DCC: variants seen among roughly 807,000 people sequenced by gnomAD.
DCC encodes the protein DCC netrin 1 receptor, also known as netrin receptor DCC.
In DCC, 58 loss-of-function variants were observed where a neutral mutation model predicts 172.5. That is an observed-to-expected ratio of 0.34 (90% CI 0.27 to 0.42). DCC has a LOEUF of 0.42. DCC is among the 10% of genes least tolerant of loss of function. The pLI, the probability that DCC is intolerant of heterozygous loss-of-function variation, is 1.00. For missense variants in DCC, 1,740 were observed against 1,791.0 expected (o/e 0.97, Z 0.51); for synonymous variants, 709 against 644.5 (o/e 1.10, Z -1.52).
At chr18:53,354,340 T>C (rs1470128631) in intron 15 of DCC, among the ~76,000 whole-genome samples, 1 of 152,226 alleles carries the variant, frequency 6.6e-6, no homozygotes, top group Non-Finnish European at 1.5e-5. Flanking sequence ...ATCGCCACAC[T>C]GTCTTCCACA....
chr18:53,429,331 A>T (rs999912899), intron 21 of DCC, among the ~76,000 whole-genome samples: 2 of 91,270 alleles, frequency 2.2e-5, no homozygotes, highest in Admixed American at 1.1e-4. Context: ...GATGTAAACC[A>T]AGAGCAGAAA....
chr18:52,955,825 T>G (rs1297752096), intron 5 of DCC, among the ~76,000 whole-genome samples: 1 of 152,162 alleles, frequency 6.6e-6, no homozygotes. Context: ...ATGCATGTTA[T>G]TAATGTATAC....
intron 3 of DCC, among the ~76,000 whole-genome samples, chr18:52,917,372 T>C (rs2145473919): frequency 6.6e-6 from 1 of 152,202 alleles, no homozygotes; most frequent in Non-Finnish European, 1.5e-5. Context: ...CTGTTTTGAT[T>C]TTTAGTATGG....
chr18:52,413,613 A>G (rs1453782833), intron 1 of DCC, among the ~76,000 whole-genome samples: 2 of 151,996 alleles, frequency 1.3e-5, no homozygotes, highest in East Asian at 3.9e-4. Flanking sequence ...TATTTTATAT[A>G]TAATAAACAT....
chr18:52,352,357 A>C (rs1984161780), intron 1 of DCC, among the ~76,000 whole-genome samples: 1 of 152,202 alleles, frequency 6.6e-6, no homozygotes, highest in African/African-American at 2.4e-5. Context: ...TAAGGTAGTC[A>C]GACTCCAATG....
intron 17 of DCC, among the ~76,000 whole-genome samples, chr18:53,395,489 T>G (rs12326478): frequency 0.42 from 64,542 of 151,954 alleles, 15,468 homozygotes; most frequent in Non-Finnish European, 0.55. Context: ...AGACTTAGAG[T>G]TGTTCATGAT....
At chr18:53,028,338 A>T (rs924255671) in intron 5 of DCC, among the ~76,000 whole-genome samples, 2 of 152,140 alleles carry the variant, frequency 1.3e-5, no homozygotes, top group African/African-American at 4.8e-5. Context: ...ATTGTATTTA[A>T]TAATCACGTC....
chr18:52,545,600 C>T (rs1034710247), intron 1 of DCC, among the ~76,000 whole-genome samples: 30 of 152,092 alleles, frequency 2.0e-4, no homozygotes, highest in Non-Finnish European at 3.7e-4. Context: ...TCCCTTGTAC[C>T]CGGATAATAG....
chr18:53,397,463 C>CG lies in DCC; in HGVS notation c.2827+17_2827+18insG. On this transcript the variant is annotated intron_variant, in intron 18 of 28. Transcript: ENST00000442544. ...ATGAAGCAGGTATGTGAGGAAATGT[C>CG]TACTTTGGACCCTTGATAATGGTGT... 1 of 1,613,708 alleles carries CG rather than the reference C, an allele frequency of 6.2e-7. No homozygotes were observed. The highest frequency in any genetic ancestry group is 8.5e-7 in the Non-Finnish European group (1 of 1,179,800).
At chr18:53,183,990 T>G (rs2055239919) in intron 9 of DCC, among the ~76,000 whole-genome samples, 2 of 133,236 alleles carry the variant, frequency 1.5e-5, no homozygotes, top group Admixed American at 1.5e-4. Context: ...GGGTCTTGCC[T>G]GGCATCTCAT....
intron 5 of DCC, among the ~76,000 whole-genome samples, chr18:52,976,468 C>T (rs185087728): frequency 6.6e-6 from 1 of 152,128 alleles, no homozygotes; most frequent in African/African-American, 2.4e-5. Flanking sequence ...GGACCCCACT[C>T]GTTATCCTTC....
intron 26 of DCC, among the ~76,000 whole-genome samples, chr18:53,491,537 T>G (rs1257051415): frequency 6.6e-6 from 1 of 152,048 alleles, no homozygotes; most frequent in East Asian, 1.9e-4. Flanking sequence ...GAGGCCTTGG[T>G]GTACATGTGT....
chr18:53,024,219 G>T (rs2041924466), intron 5 of DCC, among the ~76,000 whole-genome samples: 1 of 152,120 alleles, frequency 6.6e-6, no homozygotes, highest in South Asian at 2.1e-4. Flanking sequence ...TTACTCTGAA[G>T]TGTTAGATGA....
At chr18:52,462,763 T>A (rs1053752039) in intron 1 of DCC, among the ~76,000 whole-genome samples, 9 of 152,134 alleles carry the variant, frequency 5.9e-5, no homozygotes, top group Non-Finnish European at 1.2e-4. Flanking sequence ...GGGATTTGTG[T>A]CAGTTTTATT....
At chr18:53,195,136 A>G (rs2055424548) in intron 9 of DCC, among the ~76,000 whole-genome samples, 1 of 152,208 alleles carries the variant, frequency 6.6e-6, no homozygotes, top group Non-Finnish European at 1.5e-5. Flanking sequence ...ACTAATATCA[A>G]GTAGGAGAAG....
chr18:53,080,387 A>G (rs962483426), intron 7 of DCC, among the ~76,000 whole-genome samples: 5 of 152,140 alleles, frequency 3.3e-5, no homozygotes, highest in African/African-American at 7.2e-5. Flanking sequence ...CAGCAGGAGT[A>G]AAGGGCCTGA....
intron 1 of DCC, among the ~76,000 whole-genome samples, chr18:52,733,422 T>C (rs2036676524): frequency 3.9e-5 from 6 of 152,172 alleles, no homozygotes. Flanking sequence ...CGTTTTCAGC[T>C]GCATGTTAGT....
At chr18:52,441,542 T>C (rs1598821086) in intron 1 of DCC, among the ~76,000 whole-genome samples, 1 of 152,328 alleles carries the variant, frequency 6.6e-6, no homozygotes, top group East Asian at 1.9e-4. Context: ...GGAACATTCC[T>C]CTGCCTTTTC....
intron 1 of DCC, among the ~76,000 whole-genome samples, chr18:52,561,159 A>G (rs1313436258): frequency 6.6e-6 from 1 of 151,996 alleles, no homozygotes; most frequent in Non-Finnish European, 1.5e-5. Context: ...TACAGGTATT[A>G]TATAGGAGTT....
Sources: gnomAD v4.1 joint callset for allele counts (sites outside exome capture counted in the v4.1 genomes callset) on GRCh38, gnomAD v4.1.1 for gene constraint, MANE v1.5 for transcripts, NCBI Gene and HGNC (gene_info 2026-07-23, HGNC 2026-07-21) for gene names.